TG: variants seen among roughly 807,000 people sequenced by gnomAD.
TG encodes the protein thyroid hormones.
TG carries 270 observed loss-of-function variants against 324.7 expected under a neutral mutation model. That is an observed-to-expected ratio of 0.83 (90% CI 0.75 to 0.92). TG has a LOEUF of 0.92. Ranked by LOEUF, TG falls within the 40% of genes least tolerant of loss-of-function variation. The probability of loss-of-function intolerance (pLI) is 0.00; values close to 1 mark genes in which losing one functional copy is unlikely to be tolerated. For missense variants in TG, 3,591 were observed against 3,456.4 expected (o/e 1.04, Z -0.98); for synonymous variants, 1,401 against 1,327.0 (o/e 1.06, Z -1.21).
At chr8:133,005,971 G>C (rs1272603024) in intron 35 of TG, among the ~76,000 whole-genome samples, 1 of 152,140 alleles carries the variant, frequency 6.6e-6, no homozygotes, top group East Asian at 1.9e-4. Flanking sequence ...CCCTGCACTG[G>C]AGGAAAAGAA....
intron 20 of TG, among the ~76,000 whole-genome samples, chr8:132,914,361 A>AT (rs1452674598): frequency 6.6e-6 from 1 of 152,132 alleles, no homozygotes; most frequent in Non-Finnish European, 1.5e-5. Context: ...TTTCTCAGTT[A>AT]TTTTTTTCAA....
chr8:132,929,294 TA>T, intron 23 of TG, 102 bp downstream of exon 23: 2 of 879,184 alleles, frequency 2.3e-6, no homozygotes, highest in Non-Finnish European at 1.9e-6. Context: ...AACTATAATT[TA>T]AAAACATACT....
intron 40 of TG, among the ~76,000 whole-genome samples, chr8:133,029,007 G>A (rs1836368255): frequency 6.6e-6 from 1 of 152,076 alleles, no homozygotes; most frequent in Non-Finnish European, 1.5e-5. Context: ...CATGGAACCT[G>A]ATGAGGTTCC....
intron 34 of TG, among the ~76,000 whole-genome samples, chr8:132,979,590 G>A (rs1830574155): frequency 6.6e-6 from 1 of 152,150 alleles, no homozygotes; most frequent in Admixed American, 6.5e-5. Flanking sequence ...GCTGGCACTA[G>A]GCTAGCATTT....
rs556374374 is a variant in TG at position 133,068,986 on chromosome 8, A to G, written c.7240-26058A>G. Among the ~76,000 whole-genome samples, 5 of 152,380 alleles carry G rather than the reference A, an allele frequency of 3.3e-5. No individual in the cohort carries two copies. The East Asian group carries it at 9.6e-4, about 29-fold the overall frequency. ...TCATATAAGCAGGCTGGCCTAGCAA[A>G]CATTGGCAATGAAGAAAGAGTGGTA... On this transcript the variant is annotated intron_variant, in intron 41 of 47. Coordinates refer to ENST00000220616, the MANE Select transcript of TG (RefSeq NM_003235.5).
At chr8:133,096,001 T>A (rs575525130) in intron 42 of TG, among the ~76,000 whole-genome samples, 20 of 152,322 alleles carry the variant, frequency 1.3e-4, no homozygotes, top group African/African-American at 4.6e-4. Flanking sequence ...CTGGAGACCA[T>A]CATTGCTGAG....
intron 41 of TG, among the ~76,000 whole-genome samples, chr8:133,087,228 A>T (rs554397827): frequency 6.6e-6 from 1 of 152,096 alleles, no homozygotes; most frequent in African/African-American, 2.4e-5. Context: ...TGTTTTGTCT[A>T]TTTGGGGACT....
intron 41 of TG, among the ~76,000 whole-genome samples, chr8:133,083,060 T>G (rs969247733): frequency 6.6e-6 from 1 of 152,206 alleles, no homozygotes; most frequent in African/African-American, 2.4e-5. Context: ...GCAGGCCTAG[T>G]TGCTATAGAA....
intron 35 of TG, among the ~76,000 whole-genome samples, chr8:133,000,445 C>G (rs1327434366): frequency 6.6e-6 from 1 of 152,216 alleles, no homozygotes; most frequent in Non-Finnish European, 1.5e-5. Context: ...CAAATTAAAA[C>G]AAAAGACCAA....
chr8:133,062,085 G>A (rs1416836417), intron 41 of TG, among the ~76,000 whole-genome samples: 7 of 152,268 alleles, frequency 4.6e-5, no homozygotes, highest in Middle Eastern at 6.8e-3. Context: ...TGGCTAGAAC[G>A]GGCAGCATGT....
At chr8:132,881,302 A>G (rs1814608996) in intron 5 of TG, among the ~76,000 whole-genome samples, 1 of 152,184 alleles carries the variant, frequency 6.6e-6, no homozygotes, top group Non-Finnish European at 1.5e-5. Context: ...AGCCCTTGTT[A>G]GTGATGCTGT....
intron 4 of TG, among the ~76,000 whole-genome samples, chr8:132,871,968 TTGACCCCGAGCAGG>T (rs1839519215): frequency 6.6e-6 from 1 of 152,200 alleles, no homozygotes; most frequent in African/African-American, 2.4e-5. Context: ...AATGATGATC[TTGACCCCGAGCAGG>T]CCTAGGCTAA....
intron 29 of TG, 138 bp from the exon 30 acceptor site, chr8:132,966,422 G>A: frequency 6.2e-6 from 7 of 1,133,594 alleles, no homozygotes; most frequent in Non-Finnish European, 9.0e-6. Flanking sequence ...GCATAAAAAT[G>A]TCTCTGTCTC....
At position 132,888,060 on chromosome 8, in the gene TG, G is replaced by C. The variant is rs1274747761; in HGVS notation, c.2253G>C (p.Met751Ile). The C allele has an allele frequency of 1.9e-6, 3 of 1,614,036 alleles. No individual in the cohort carries two copies. Among genetic ancestry groups the C allele is most frequent in the African/African-American group, 1.3e-5 (1 of 74,920 alleles). ...AGGCCCTGCTCTCTAACTCCAGCAT[G>C]CTACCCACCCTTTCCGACACCTACA... Reference protein sequence around the residue: ...TVQALLSNSSMLPTLSDTYIP... With the variant: ...TVQALLSNSSILPTLSDTYIP... The change falls in exon 10 of 48, where the codon ATG (methionine) becomes ATC (isoleucine). Residue 751 changes from methionine to isoleucine, a missense_variant. Coordinates refer to ENST00000220616, the MANE Select transcript of TG (RefSeq NM_003235.5).
intron 35 of TG, among the ~76,000 whole-genome samples, chr8:132,985,269 G>A (rs1397081578): frequency 1.3e-5 from 2 of 152,174 alleles, no homozygotes; most frequent in African/African-American, 4.8e-5. Flanking sequence ...AACTAATCTA[G>A]AGATGATTAA....
chr8:132,940,112 T>G (rs1208430420), intron 25 of TG, among the ~76,000 whole-genome samples: 1 of 152,194 alleles, frequency 6.6e-6, no homozygotes, highest in Non-Finnish European at 1.5e-5. Context: ...TCAGATCTGT[T>G]TGATCTGAAG....
chr8:133,098,033 C>A (rs973855439), intron 43 of TG, among the ~76,000 whole-genome samples: 1 of 152,018 alleles, frequency 6.6e-6, no homozygotes, highest in Non-Finnish European at 1.5e-5. Context: ...ACAGCCAGGG[C>A]AAAATACCTT....
intron 41 of TG, among the ~76,000 whole-genome samples, chr8:133,069,836 G>A (rs955631948): frequency 1.3e-5 from 2 of 151,520 alleles, no homozygotes; most frequent in African/African-American, 4.9e-5. Flanking sequence ...ATCTCATCTT[G>A]ACTAAAAATA....
intron 18 of TG, 111 bp from the exon 19 acceptor site, chr8:132,911,266 G>A: frequency 6.3e-7 from 1 of 1,592,612 alleles, no homozygotes; most frequent in Non-Finnish European, 8.6e-7. Context: ...AGTAGGGTTG[G>A]TGGAGGATTG....
Sources: allele counts gnomAD v4.1 joint callset (sites outside exome capture counted in the v4.1 genomes callset), GRCh38; gene constraint gnomAD v4.1.1; transcripts MANE v1.5; gene names NCBI Gene and HGNC (gene_info 2026-07-23, HGNC 2026-07-21).